FRMD3: variants seen among roughly 807,000 people sequenced by gnomAD.
FRMD3 encodes FERM domain containing 3.
Under a neutral mutation model 70.2 loss-of-function variants are expected in FRMD3, and 33 were observed. The ratio of observed to expected loss-of-function variants is 0.47; its 90% CI spans 0.36 to 0.63. FRMD3 has a LOEUF of 0.63. FRMD3 is among the 20% of genes least tolerant of loss of function. The pLI is 0.00. For synonymous variants in FRMD3, 279 were observed against 255.9 expected, an observed-to-expected ratio of 1.09 and a Z score of -0.86; for missense variants, 632 against 711.4, an observed-to-expected ratio of 0.89 and a Z score of 1.27.
At chr9:83,533,384 C>T (rs1438676390) in intron 1 of FRMD3, among the ~76,000 whole-genome samples, 1 of 152,182 alleles carries the variant, frequency 6.6e-6, no homozygotes. Flanking sequence ...GCTTCATTCA[C>T]ATGTAATTTA....
chr9:83,552,125 CT>C, the FRMD3 span, among the ~76,000 whole-genome samples: 1 of 152,162 alleles, frequency 6.6e-6, no homozygotes, highest in African/African-American at 2.4e-5. Flanking sequence ...GTGAATTTTA[CT>C]GTTAACACTG....
intron 3 of FRMD3, among the ~76,000 whole-genome samples, chr9:83,360,421 A>C (rs1239307415): frequency 6.6e-6 from 1 of 152,084 alleles, no homozygotes; most frequent in African/African-American, 2.4e-5. Context: ...CTTGGCCCAC[A>C]CTTGAACCAC....
intron 1 of FRMD3, among the ~76,000 whole-genome samples, chr9:83,509,363 A>C (rs1051729137): frequency 6.6e-6 from 1 of 152,226 alleles, no homozygotes; most frequent in Non-Finnish European, 1.5e-5. Flanking sequence ...TGGCAGGCTC[A>C]ATTTCTTTCA....
chr9:83,430,621 T>C (rs1401189223), intron 1 of FRMD3, among the ~76,000 whole-genome samples: 1 of 152,240 alleles, frequency 6.6e-6, no homozygotes, highest in African/African-American at 2.4e-5. Flanking sequence ...TGCTTTTTTT[T>C]AAGAAATGTC....
Position 83,246,213 on chromosome 9 carries a change from G to C in FRMD3, c.*1705C>G, listed in dbSNP as rs1294298231. ...GAGAGAGCGATTCCAAGTGGGCCCT[G>C]TAACTTTGTACATTAGGGCAGTGGA... On this transcript the variant is annotated 3_prime_UTR_variant, in exon 14 of 14. Coordinates refer to ENST00000304195, the MANE Select transcript of FRMD3 (RefSeq NM_174938.6). 6.1e-6 allele frequency: 6 copies of C among 984,954 alleles called. No homozygotes were observed. The East Asian group carries it at 6.9e-4, about 113-fold the overall frequency. 61.0% of individuals were successfully genotyped at this position (984,954 alleles called of 1,614,324 possible). A position where few individuals can be genotyped will look rare whatever the true frequency, so the allele number is the denominator to read the frequency against.
intron 1 of FRMD3, among the ~76,000 whole-genome samples, chr9:83,517,305 A>C (rs1829474716): frequency 1.3e-5 from 2 of 152,152 alleles, no homozygotes; most frequent in African/African-American, 4.8e-5. Flanking sequence ...CACGGATCCC[A>C]TAGAAATACA....
chr9:83,396,491 T>C (rs933340466), intron 1 of FRMD3, among the ~76,000 whole-genome samples: 6 of 152,114 alleles, frequency 3.9e-5, no homozygotes, highest in Non-Finnish European at 8.8e-5. Flanking sequence ...TATGACCCAA[T>C]CGCATCTGAG....
chr9:83,325,962 T>C (rs1465406588), intron 6 of FRMD3, among the ~76,000 whole-genome samples: 1 of 152,228 alleles, frequency 6.6e-6, no homozygotes, highest in Non-Finnish European at 1.5e-5. Context: ...ATCTGCATAT[T>C]GTCTACACAT....
intron 5 of FRMD3, among the ~76,000 whole-genome samples, chr9:83,338,534 TC>T: frequency 6.6e-6 from 1 of 152,286 alleles, no homozygotes; most frequent in East Asian, 1.9e-4. Flanking sequence ...TTTGGGACAC[TC>T]TGTCACAGTT....
intron 1 of FRMD3, among the ~76,000 whole-genome samples, chr9:83,534,954 C>T (rs1311992174): frequency 6.6e-6 from 1 of 152,214 alleles, no homozygotes; most frequent in Non-Finnish European, 1.5e-5. Context: ...TACCTCTTTC[C>T]ATGTCTGGAA....
At position 83,248,275 on chromosome 9, in the gene FRMD3, G is replaced by A. The variant is rs1832217704; in HGVS notation, c.1437C>T (p.Asp479=). 1 of 1,614,058 alleles carries A rather than the reference G, an allele frequency of 6.2e-7. No individual in the cohort carries two copies. Among genetic ancestry groups the A allele is most frequent in the African/African-American group, 1.3e-5 (1 of 74,912 alleles). The change falls in exon 14 of 14, where the codon GAC becomes GAT. Residue 479 remains aspartate, a synonymous_variant. Coordinates refer to ENST00000304195, the MANE Select transcript of FRMD3 (RefSeq NM_174938.6). ...CTTCCAGATCCTCAAATGAATCTGT[G>A]TCTTCTCTTTCCAACTCAAGCCTAG... The part of the protein sequence containing the change: ...CPSRLELERE[D]TDSFEDLEAD...
intron 13 of FRMD3, among the ~76,000 whole-genome samples, chr9:83,255,694 A>T (rs753632715): frequency 1.3e-5 from 2 of 152,198 alleles, no homozygotes; most frequent in Non-Finnish European, 2.9e-5. Flanking sequence ...ATATAAAATC[A>T]ATGTGCAAAA....
intron 1 of FRMD3, among the ~76,000 whole-genome samples, chr9:83,393,321 C>A (rs1825719775): frequency 6.6e-6 from 1 of 152,110 alleles, no homozygotes; most frequent in African/African-American, 2.4e-5. Context: ...CCAATGCTAG[C>A]CAAGATGTGA....
chr9:83,299,491 A>G (rs1265381195), intron 10 of FRMD3, among the ~76,000 whole-genome samples: 1 of 152,222 alleles, frequency 6.6e-6, no homozygotes, highest in Non-Finnish European at 1.5e-5. Context: ...CTGGGCAGTG[A>G]TGATCAGAAG....
At chr9:83,272,848 G>A (rs956780461) in intron 13 of FRMD3, among the ~76,000 whole-genome samples, 2 of 151,538 alleles carry the variant, frequency 1.3e-5, no homozygotes, top group Non-Finnish European at 2.9e-5. Context: ...TCTGGGAGGT[G>A]AGGAGCGTCT....
At chr9:83,548,353 G>A in the FRMD3 span, among the ~76,000 whole-genome samples, 1 of 152,160 alleles carries the variant, frequency 6.6e-6, no homozygotes, top group African/African-American at 2.4e-5. Context: ...ATGGATACAT[G>A]AACTGTGGTA....
intron 1 of FRMD3, among the ~76,000 whole-genome samples, chr9:83,522,316 T>C (rs1472784345): frequency 1.3e-5 from 2 of 152,014 alleles, no homozygotes; most frequent in Non-Finnish European, 1.5e-5. Context: ...TAACATGGTG[T>C]CGCCTTAAGC....
intron 6 of FRMD3, among the ~76,000 whole-genome samples, chr9:83,328,181 T>TA (rs373851850): frequency 0.37 from 52,396 of 143,276 alleles, 9,872 homozygotes; most frequent in Admixed American, 0.47. Flanking sequence ...TCCTTATCTG[T>TA]AAAAAAAAAA....
intron 1 of FRMD3, among the ~76,000 whole-genome samples, chr9:83,424,733 A>G (rs1449110346): frequency 6.6e-6 from 1 of 152,258 alleles, no homozygotes; most frequent in Non-Finnish European, 1.5e-5. Flanking sequence ...TTTCATCTTT[A>G]AAAACAAGAA....
Sources: gnomAD v4.1 joint callset for allele counts (sites outside exome capture counted in the v4.1 genomes callset) on GRCh38, gnomAD v4.1.1 for gene constraint, MANE v1.5 for transcripts, NCBI Gene and HGNC (gene_info 2026-07-23, HGNC 2026-07-21) for gene names.